The following CEMIP variants were observed in gnomAD, a reference collection of about 807,000 sequenced individuals.
CEMIP encodes the protein cell migration-inducing and hyaluronan-binding protein.
In CEMIP, 105 loss-of-function variants were observed where a neutral mutation model predicts 156.9. The observed-to-expected ratio is 0.67, with a 90% CI of 0.57 to 0.79. The LOEUF (loss-of-function observed/expected upper bound fraction) is 0.79. Among genes scored for constraint, CEMIP ranks in the 30% least tolerant of loss-of-function variants. The pLI is 0.00. For missense variants in CEMIP, 1,457 were observed against 1,769.4 expected (o/e 0.82, Z 3.17); for synonymous variants, 676 against 668.4 (o/e 1.01, Z -0.17).
At chr15:80,835,797 A>G (rs1346663294) in intron 1 of CEMIP, among the ~76,000 whole-genome samples, 2 of 152,112 alleles carry the variant, frequency 1.3e-5, no homozygotes, top group East Asian at 3.9e-4. Flanking sequence ...CCCTTCTCCC[A>G]CGGTCTGTTT....
chr15:80,946,103 C>A (rs146719314), intron 28 of CEMIP, among the ~76,000 whole-genome samples: 1 of 152,154 alleles, frequency 6.6e-6, no homozygotes, highest in African/African-American at 2.4e-5. Context: ...GTGACGTGAA[C>A]GTAAGAGGTC....
chr15:80,931,765 G>A, intron 21 of CEMIP, 94 bp from the exon 22 acceptor site: 3 of 1,276,914 alleles, frequency 2.3e-6, no homozygotes, highest in Non-Finnish European at 3.4e-6. Flanking sequence ...ACCTCAGAAG[G>A]GGCAAACATG....
In CEMIP at chr15:80,835,081, C is replaced by CAG. The variant is rs36062989; in HGVS notation, c.-175-38435_-175-38434dup. Among the ~76,000 whole-genome samples, 971 of 150,754 alleles carry CAG rather than the reference C, an allele frequency of 6.4e-3. 8 individuals are homozygous for CAG. Among genetic ancestry groups the CAG allele is most frequent in the African/African-American group, 0.021 (880 of 41,116 alleles). Reference sequence around the variant, plus strand: ...TAAAAACTATTCTGAGTCCTCATTGCAGAGAGAGAGAGAGAGAGAGAGAAA... The same window carrying CAG: ...TAAAAACTATTCTGAGTCCTCATTGCAGAGAGAGAGAGAGAGAGAGAGAGAAA... On this transcript the variant is annotated intron_variant, in intron 1 of 29. Coordinates refer to ENST00000394685, the MANE Select transcript of CEMIP (RefSeq NM_001293298.2).
intron 19 of CEMIP, among the ~76,000 whole-genome samples, chr15:80,926,120 T>C (rs1053410114): frequency 6.6e-6 from 1 of 152,208 alleles, no homozygotes; most frequent in Non-Finnish European, 1.5e-5. Flanking sequence ...TGCATTTCTT[T>C]CTTACCATGT....
chr15:80,915,529 T>C (rs1294074083), intron 14 of CEMIP, among the ~76,000 whole-genome samples: 2 of 152,188 alleles, frequency 1.3e-5, no homozygotes, highest in African/African-American at 4.8e-5. Flanking sequence ...AAAAGTTTCA[T>C]TGGCCCAGGG....
chr15:80,851,460 C>T (rs1323022200), intron 1 of CEMIP, among the ~76,000 whole-genome samples: 1 of 152,204 alleles, frequency 6.6e-6, no homozygotes, highest in Non-Finnish European at 1.5e-5. Flanking sequence ...AGGTTCCCTG[C>T]CCTGCAGTAG....
chr15:80,919,346 G>A (rs996252472), intron 14 of CEMIP, among the ~76,000 whole-genome samples: 3 of 152,284 alleles, frequency 2.0e-5, no homozygotes, highest in East Asian at 1.9e-4. Context: ...GTCCCTCCAC[G>A]GTAAGTCCTT....
intron 1 of CEMIP, among the ~76,000 whole-genome samples, chr15:80,834,313 G>A (rs1897222273): frequency 6.6e-6 from 1 of 152,190 alleles, no homozygotes; most frequent in Admixed American, 6.5e-5. Context: ...TCTTAGTGTA[G>A]TCCAGTTACC....
chr15:80,887,569 C>T, intron 7 of CEMIP, 125 bp from the exon 8 acceptor site: 1 of 734,326 alleles, frequency 1.4e-6, no homozygotes, highest in South Asian at 1.5e-5. Context: ...TGAATTTCCC[C>T]CAAACAGCAG....
rs373335336 is a variant in CEMIP, at chr15:80,942,020, G to C, written c.3579G>C (p.Val1193=). ...PKFTERAVVD[V]PMPKKLFGSQ... ...TCACCGAGAGGGCTGTCGTAGACGT[G>C]CCGATGCCCAAGAAGCTCTTTGGTT... The change falls in exon 26 of 30, where the codon GTG becomes GTC. Residue 1193 remains valine, a synonymous_variant. Transcript: ENST00000394685. The C allele has an allele frequency of 6.1e-4, 987 of 1,613,400 alleles. 1 individual carries two copies. Among genetic ancestry groups the C allele is most frequent in the Non-Finnish European group, 7.2e-4 (845 of 1,179,900 alleles).
At chr15:80,785,048 C>A (rs1463019992) in intron 1 of CEMIP, among the ~76,000 whole-genome samples, 1 of 152,182 alleles carries the variant, frequency 6.6e-6, no homozygotes, top group East Asian at 1.9e-4. Flanking sequence ...AATATCTTGG[C>A]CCCCTTTAAG....
chr15:80,793,645 A>T (rs1896140593), intron 1 of CEMIP, among the ~76,000 whole-genome samples: 1 of 152,202 alleles, frequency 6.6e-6, no homozygotes, highest in African/African-American at 2.4e-5. Context: ...AACTGGGATA[A>T]ACAAAGTTGA....
chr15:80,892,666 G>T (rs1899069930), intron 10 of CEMIP, among the ~76,000 whole-genome samples: 1 of 152,192 alleles, frequency 6.6e-6, no homozygotes, highest in Admixed American at 6.5e-5. Flanking sequence ...CAAAATTTAA[G>T]GCAGCCCGCT....
chr15:80,906,678 T>C lies in CEMIP; in HGVS notation c.1427T>C (p.Leu476Pro). The change falls in exon 13 of 30, where the codon CTG (leucine) becomes CCG (proline). Residue 476 changes from leucine to proline, a missense_variant. By Grantham distance (98) the Leu-to-Pro change is moderately conservative. Coordinates refer to ENST00000394685, the MANE Select transcript of CEMIP (RefSeq NM_001293298.2). The surrounding 1 kb of genome is among the most constrained non-coding windows in gnomAD (Gnocchi z 4.3). ...QVKVAGKPMY[L>P]HIGEEIDGVD... Reference sequence around the variant, plus strand: ...TCTGCCCTAGGGAAACCAATGTACCTGCACATCGGGGAGGAGATAGACGGC... The same window carrying C: ...TCTGCCCTAGGGAAACCAATGTACCCGCACATCGGGGAGGAGATAGACGGC... 1.9e-6 allele frequency: 3 copies of C among 1,613,748 alleles called. No homozygotes were observed. The highest frequency in any genetic ancestry group is 2.5e-6 in the Non-Finnish European group (3 of 1,179,684).
In CEMIP at chr15:80,936,699, G is replaced by C. The variant is rs138552443; in HGVS notation, c.3035G>C (p.Ser1012Thr). The C allele has an allele frequency of 6.2e-7, 1 of 1,613,962 alleles. No homozygotes were observed. Among genetic ancestry groups the C allele is most frequent in the African/African-American group, 1.3e-5 (1 of 74,934 alleles). ...ATGTACATTCAAGCCTACAAGACCA[G>C]TAACCTGCGAATGAAGATCATCAAG... ...AQMYIQAYKT[S>T]NLRMKIIKND... The change falls in exon 24 of 30, where the codon AGT becomes ACT. Residue 1012 changes from serine to threonine, a missense_variant. Physicochemically the swap from Ser to Thr is moderately conservative, Grantham distance 58 (BLOSUM62 1). Coordinates refer to ENST00000394685, the MANE Select transcript of CEMIP (RefSeq NM_001293298.2).
At chr15:80,890,470 G>A (rs906626267) in intron 10 of CEMIP, among the ~76,000 whole-genome samples, 9 of 151,086 alleles carry the variant, frequency 6.0e-5, no homozygotes, top group Non-Finnish European at 1.2e-4. Context: ...GGTGCCTGTA[G>A]TCCCAGCTAC....
intron 1 of CEMIP, among the ~76,000 whole-genome samples, chr15:80,844,366 G>A (rs2141717050): frequency 6.6e-6 from 1 of 152,350 alleles, no homozygotes; most frequent in African/African-American, 2.4e-5. Context: ...GACAAGCAAA[G>A]GCCATTTTTT....
intron 1 of CEMIP, among the ~76,000 whole-genome samples, chr15:80,805,904 C>T (rs937828245): frequency 3.9e-5 from 6 of 152,186 alleles, no homozygotes; most frequent in Admixed American, 3.9e-4. Context: ...TCACTTTTTC[C>T]CACTTTTTAA....
intron 1 of CEMIP, among the ~76,000 whole-genome samples, chr15:80,788,495 AAAAAAGAAAAAG>A (rs1245554500): frequency 3.3e-5 from 5 of 151,922 alleles, no homozygotes; most frequent in East Asian, 3.9e-4. Context: ...AAGAAAAAAG[AAAAAAGAAAAAG>A]AAAAAGAAAA....
Sources: gnomAD v4.1 joint callset for allele counts (sites outside exome capture counted in the v4.1 genomes callset) on GRCh38, gnomAD v4.1.1 for gene constraint, Gnocchi (gnomAD v3.1) non-coding constraint, MANE v1.5 for transcripts, NCBI Gene and HGNC (gene_info 2026-07-23, HGNC 2026-07-21) for gene names.